CHFR: variants seen among roughly 807,000 people sequenced by gnomAD.
CHFR encodes the protein E3 ubiquitin-protein ligase CHFR.
In CHFR, 57 loss-of-function variants were observed where a neutral mutation model predicts 87.6. That is an observed-to-expected ratio of 0.65 (90% CI 0.53 to 0.81). The LOEUF (loss-of-function observed/expected upper bound fraction) is 0.81. Ranked by LOEUF, CHFR falls within the 30% of genes least tolerant of loss-of-function variation. The probability of loss-of-function intolerance (pLI) is 0.00; values close to 1 mark genes in which losing one functional copy is unlikely to be tolerated. For missense variants in CHFR, 797 were observed against 865.8 expected (o/e 0.92, Z 1.00); for synonymous variants, 381 against 359.2 (o/e 1.06, Z -0.69).
intron 1 of CHFR, 21 bp from the exon 2 acceptor site, chr12:132,887,361 C>G: frequency 2.4e-5 from 32 of 1,347,192 alleles, no homozygotes; most frequent in Non-Finnish European, 3.1e-5. Context: ...CCCGGAAACG[C>G]CCATGGAGAC....
rs929779066 is a variant in CHFR at position 132,836,964 on chromosome 12, T to C, written c.*4590A>G. The C allele has an allele frequency of 1.1e-5, 4 of 362,594 alleles. No homozygotes were observed. Among genetic ancestry groups the C allele is most frequent in the African/African-American group, 2.1e-5 (1 of 46,742 alleles). The allele number at this position is 362,594 out of a possible 1,614,324, so 22.5% of individuals were successfully genotyped here. On this transcript the variant is annotated 3_prime_UTR_variant, in exon 18 of 18. Coordinates refer to ENST00000450056, the MANE Select transcript of CHFR (RefSeq NM_001161346.2). ...AGACAAACGGTAAACAGATGTTTCC[T>C]TTCCGATAGTGACAGGTGCTGGGGG...
intron 6 of CHFR, chr12:132,862,499 G>C (rs1273623007): frequency 4.8e-6 from 2 of 415,192 alleles, no homozygotes; most frequent in Non-Finnish European, 4.8e-6. Flanking sequence ...AGCTACTCAG[G>C]AGGCTGAGGT....
rs1384830257 is a variant in CHFR, at chr12:132,844,517, C to T, written c.1736-383G>A. Reference sequence around the variant, plus strand: ...GCCAGGATGGTCTCGATCTCCTGACCTCGTGATCCACCCGCCTCGGCCTCC... The same window carrying T: ...GCCAGGATGGTCTCGATCTCCTGACTTCGTGATCCACCCGCCTCGGCCTCC... On this transcript the variant is annotated intron_variant, in intron 15 of 17. Coordinates refer to ENST00000450056, the MANE Select transcript of CHFR (RefSeq NM_001161346.2). Among the ~76,000 whole-genome samples the T allele has an allele frequency of 1.4e-5, 2 of 145,766 alleles. 1 individual carries two copies. The highest frequency in any genetic ancestry group is 3.1e-5 in the Non-Finnish European group (2 of 63,600).
rs976689419 is a variant in CHFR, at chr12:132,840,415, G to C, written c.*1139C>G. ...GAGAGGACTTTCCTCCACAAATACA[G>C]ATTGCTGCTTCTCAGTTTCTATCAA... On this transcript the variant is annotated 3_prime_UTR_variant, in exon 18 of 18. Transcript: ENST00000450056. The C allele has an allele frequency of 2.0e-5, 3 of 152,670 alleles. No homozygotes were observed. The highest frequency in any genetic ancestry group is 4.4e-5 in the Non-Finnish European group (3 of 68,050). The allele number at this position is 152,670 out of a possible 1,614,324, so 9.5% of individuals were successfully genotyped here. A position where few individuals can be genotyped will look rare whatever the true frequency, so the allele number is the denominator to read the frequency against.
chr12:132,862,405 C>CTGA, intron 6 of CHFR: 1 of 446,292 alleles, frequency 2.2e-6, no homozygotes. Flanking sequence ...CCAGCCTGGG[C>CTGA]AACACAGCAA....
At position 132,834,595 on chromosome 12, in the gene CHFR, C is replaced by T. The variant is rs1030265828; in HGVS notation, c.*6959G>A. ...GCAGGGAGATCTGTTTTCTTTTCTG[C>T]TTCGACAGCCTGCCCTCCTCTCCTG... On this transcript the variant is annotated 3_prime_UTR_variant, in exon 18 of 18. Coordinates refer to ENST00000450056, the MANE Select transcript of CHFR (RefSeq NM_001161346.2). 3 of 152,248 alleles carry T rather than the reference C, an allele frequency of 2.0e-5. No homozygotes were observed. The highest frequency in any genetic ancestry group is 7.2e-5 in the African/African-American group (3 of 41,438). The allele number at this position is 152,248 out of a possible 1,614,324, so 9.4% of individuals were successfully genotyped here. A position where few individuals can be genotyped will look rare whatever the true frequency, so the allele number is the denominator to read the frequency against.
chr12:132,852,102 G>A (rs183240079), intron 11 of CHFR, among the ~76,000 whole-genome samples: 76 of 151,494 alleles, frequency 5.0e-4, no homozygotes, highest in Non-Finnish European at 2.8e-4. Context: ...TCCTGCTTTA[G>A]CCTCCCGAGT....
rs535630556 is a variant in CHFR at position 132,842,453 on chromosome 12, C to T, written c.1916+558G>A. ...GGCGCCTTTCTCTGAGTCCACACAA[C>T]ATCTCGTCCTGAGGGCACTGTCTCC... On this transcript the variant is annotated intron_variant, in intron 17 of 17. Coordinates refer to ENST00000450056, the MANE Select transcript of CHFR (RefSeq NM_001161346.2). 2.0e-5 allele frequency among the ~76,000 whole-genome samples: 3 copies of T among 152,366 alleles called. No homozygotes were observed. In the East Asian group the frequency reaches 5.8e-4, roughly 29 times the overall value.
intron 2 of CHFR, among the ~76,000 whole-genome samples, chr12:132,886,526 T>C (rs1951898889): frequency 6.6e-6 from 1 of 152,152 alleles, no homozygotes; most frequent in Non-Finnish European, 1.5e-5. Flanking sequence ...TACAAAGGCT[T>C]CAGAGGAAAT....
intron 16 of CHFR, 133 bp from the exon 17 acceptor site, chr12:132,843,216 T>G: frequency 1.7e-5 from 13 of 762,226 alleles, no homozygotes; most frequent in Non-Finnish European, 2.3e-5. Flanking sequence ...CATAACTAGT[T>G]TCCTCGGACC....
chr12:132,869,776 C>CCCTGCA lies in CHFR; in HGVS notation c.420_425dup (p.Ala141_Gly142dup), dbSNP rs1566196191. ...GAGGGACCCGGGGATCGGCCCCTCG[C>CCCTGCA]CCTGCACCTGCACCTGAGGTATCTT... On this transcript the variant is annotated inframe_insertion, in exon 6 of 18. Coordinates refer to ENST00000450056, the MANE Select transcript of CHFR (RefSeq NM_001161346.2). 1.7e-5 allele frequency: 26 copies of CCCTGCA among 1,551,458 alleles called. No homozygotes were observed. Among genetic ancestry groups the CCCTGCA allele is most frequent in the South Asian group, 2.4e-5 (2 of 84,064 alleles).
intron 12 of CHFR, among the ~76,000 whole-genome samples, chr12:132,850,441 C>G (rs962612456): frequency 1.6e-4 from 24 of 152,124 alleles, no homozygotes; most frequent in Non-Finnish European, 3.5e-4. Context: ...CTGACCACCG[C>G]GTGTGTGAGA....
At chr12:132,866,597 T>C (rs1268062728) in intron 6 of CHFR, 3 of 149,522 alleles carry the variant, frequency 2.0e-5, no homozygotes, top group Non-Finnish European at 4.4e-5. Context: ...CACCAGAAAG[T>C]TACAACACAC....
In CHFR at chr12:132,861,921, C is replaced by A. The variant is rs1403283167; in HGVS notation, c.584-287G>T. On this transcript the variant is annotated intron_variant, in intron 6 of 17. Coordinates refer to ENST00000450056, the MANE Select transcript of CHFR (RefSeq NM_001161346.2). ...TAGCCCTCGAGCACCGAGTCTAACG[C>A]AGGGCAAACCCACATACCCGTGGTC... is the stretch of plus-strand genomic sequence containing the variant. The A allele has an allele frequency of 1.5e-5, 6 of 392,662 alleles. No individual in the cohort carries two copies. The East Asian group carries it at 2.7e-4, about 17-fold the overall frequency. The allele number at this position is 392,662 out of a possible 1,614,324, so 24.3% of individuals were successfully genotyped here.
chr12:132,851,478 G>C, intron 12 of CHFR, 140 bp downstream of exon 12: 1 of 983,260 alleles, frequency 1.0e-6, no homozygotes, highest in South Asian at 1.9e-5. Context: ...ATGGTGACGT[G>C]GGGAAAACTG....
chr12:132,849,015 C>A (rs1006991725), intron 12 of CHFR: 3 of 340,110 alleles, frequency 8.8e-6, no homozygotes, highest in Non-Finnish European at 1.1e-5. Context: ...GGAACAATCA[C>A]AGCTCACTGC....
chr12:132,844,218 A>G lies in CHFR; in HGVS notation c.1736-84T>C, dbSNP rs1025318066. 47 of 833,472 alleles carry G rather than the reference A, an allele frequency of 5.6e-5. No homozygotes were observed. The African/African-American group carries it at 7.0e-4, about 12-fold the overall frequency. The allele number at this position is 833,472 out of a possible 1,614,324, so 51.6% of individuals were successfully genotyped here. On this transcript the variant is annotated intron_variant, in intron 15 of 17. Coordinates refer to ENST00000450056, the MANE Select transcript of CHFR (RefSeq NM_001161346.2). ...CTTCACAGCAGTGGGAGACTAACGC[A>G]CTGACCATAAATGGGGTGAAGACAA...
At chr12:132,885,368 G>A (rs991132698) in intron 2 of CHFR, among the ~76,000 whole-genome samples, 1 of 151,314 alleles carries the variant, frequency 6.6e-6, no homozygotes, top group South Asian at 2.1e-4. Context: ...CCGAGATCGC[G>A]CCACTGCACT....
At chr12:132,880,951 C>A (rs536892691) in intron 2 of CHFR, among the ~76,000 whole-genome samples, 1 of 151,312 alleles carries the variant, frequency 6.6e-6, no homozygotes, top group Non-Finnish European at 1.5e-5. Flanking sequence ...GGCGACAGAG[C>A]GAGACTCTGG....
Sources: gnomAD v4.1 joint callset for allele counts (sites outside exome capture counted in the v4.1 genomes callset) on GRCh38, gnomAD v4.1.1 for gene constraint, MANE v1.5 for transcripts, NCBI Gene and HGNC (gene_info 2026-07-23, HGNC 2026-07-21) for gene names.